The following EPRS1 variants were observed in gnomAD, a reference collection of about 807,000 sequenced individuals.
The protein encoded by EPRS1 is glutamyl-prolyl-tRNA synthetase 1, also known as bifunctional glutamate/proline--tRNA ligase.
In EPRS1, 107 loss-of-function variants were observed where a neutral mutation model predicts 188.3. That is an observed-to-expected ratio of 0.57 (90% CI 0.49 to 0.67). The LOEUF is 0.67. Among genes scored for constraint, EPRS1 ranks in the 30% least tolerant of loss-of-function variants. The pLI is 0.00. For synonymous variants in EPRS1, 596 were observed against 593.1 expected, an observed-to-expected ratio of 1.00 and a Z score of -0.07; for missense variants, 1,577 against 1,802.2, an observed-to-expected ratio of 0.88 and a Z score of 2.26.
At chr1:220,016,343 C>CAA (rs200969151) in intron 12 of EPRS1, among the ~76,000 whole-genome samples, 1 of 69,084 alleles carries the variant, frequency 1.4e-5, no homozygotes, top group Admixed American at 1.7e-4. Context: ...GATTCCGCTA[C>CAA]AAAAAGAAAA....
intron 19 of EPRS1, among the ~76,000 whole-genome samples, chr1:219,988,376 T>C (rs1435779840): frequency 6.6e-6 from 1 of 152,040 alleles, no homozygotes; most frequent in Non-Finnish European, 1.5e-5. Flanking sequence ...AAGTACTATG[T>C]CAGTGATGGG....
chr1:219,992,420 TTTG>T (rs1178838629), intron 18 of EPRS1, among the ~76,000 whole-genome samples: 1 of 152,250 alleles, frequency 6.6e-6, no homozygotes, highest in Non-Finnish European at 1.5e-5. Context: ...ATCATTTTAT[TTTG>T]TTGTTACTTG....
chr1:220,044,704 A>T (rs929306430), intron 1 of EPRS1, among the ~76,000 whole-genome samples: 1 of 144,548 alleles, frequency 6.9e-6, no homozygotes, highest in African/African-American at 2.6e-5. Flanking sequence ...AAAAAAAAAA[A>T]AAAAAAAAAC....
intron 6 of EPRS1, among the ~76,000 whole-genome samples, chr1:220,028,558 T>C (rs927028315): frequency 3.9e-5 from 6 of 152,200 alleles, no homozygotes; most frequent in African/African-American, 1.2e-4. Context: ...ATACATGTAG[T>C]ACAATTTTTA....
At chr1:220,021,204 C>T (rs1228059769) in intron 9 of EPRS1, among the ~76,000 whole-genome samples, 1 of 151,388 alleles carries the variant, frequency 6.6e-6, no homozygotes, top group Admixed American at 6.6e-5. Context: ...TTTTGTTTGT[C>T]TAGAGACAGG....
intron 16 of EPRS1, 133 bp from the exon 17 acceptor site, chr1:220,001,388 G>A (rs1039937531): frequency 1.7e-4 from 111 of 648,390 alleles, no homozygotes; most frequent in Non-Finnish European, 2.4e-4. Context: ...TCCTTTTTGA[G>A]ACAGTCTCAC....
chr1:220,003,221 T>G (rs1284172018), intron 16 of EPRS1, among the ~76,000 whole-genome samples: 1 of 152,224 alleles, frequency 6.6e-6, no homozygotes, highest in African/African-American at 2.4e-5. Context: ...CCCTAACAAC[T>G]AATGATGCTG....
intron 18 of EPRS1, among the ~76,000 whole-genome samples, chr1:219,994,640 C>CT (rs71169424): frequency 7.2e-4 from 79 of 109,488 alleles, no homozygotes; most frequent in Non-Finnish European, 1.2e-3. Context: ...GTAACTTCTT[C>CT]TTTTTTTTTT....
intron 13 of EPRS1, among the ~76,000 whole-genome samples, chr1:220,009,100 G>A (rs988029339): frequency 1.3e-5 from 2 of 152,160 alleles, no homozygotes; most frequent in Non-Finnish European, 2.9e-5. Flanking sequence ...CTGTATGGTA[G>A]GTGATATGGC....
chr1:219,985,666 A>G (rs1002437580), intron 20 of EPRS1, among the ~76,000 whole-genome samples: 6 of 152,114 alleles, frequency 3.9e-5, no homozygotes, highest in Non-Finnish European at 8.8e-5. Flanking sequence ...CAGCCTCCCA[A>G]AGTGCTGGCA....
Position 219,969,042 on chromosome 1 carries a change from A to C in EPRS1, c.4388+16T>G, listed in dbSNP as rs112417237. ...ATTGCAATTTTTCAAAAGTTTTGCC[A>C]GTTAATTAGGTTTACCTGGCAGTGG... On this transcript the variant is annotated intron_variant, in intron 31 of 31. Coordinates refer to ENST00000366923, the MANE Select transcript of EPRS1 (RefSeq NM_004446.3). 8.3e-5 allele frequency: 134 copies of C among 1,612,742 alleles called. No homozygotes were observed. In the South Asian group the frequency reaches 1.4e-3, roughly 17 times the overall value.
Position 220,006,159 on chromosome 1 carries a change from GCTTTGT to G in EPRS1, c.1891_1896del (p.Thr631_Lys632del). The G allele has an allele frequency of 6.3e-7, 1 of 1,595,898 alleles. No individual in the cohort carries two copies. Among genetic ancestry groups the G allele is most frequent in the Non-Finnish European group, 8.6e-7 (1 of 1,169,156 alleles). ...AAGTCCTCGTCTTTTCCTAGCACTG[GCTTTGT>G]GATCAAGTGCTCATAAGTGACACAG... On this transcript the variant is annotated inframe_deletion, in exon 15 of 32. Coordinates refer to ENST00000366923, the MANE Select transcript of EPRS1 (RefSeq NM_004446.3).
At position 220,006,127 on chromosome 1, in the gene EPRS1, C is replaced by T. The variant is rs1661463464; in HGVS notation, c.1929G>A (p.Gln643=). The T allele has an allele frequency of 6.3e-7, 1 of 1,578,732 alleles. No homozygotes were observed. Among genetic ancestry groups the T allele is most frequent in the East Asian group, 2.3e-5 (1 of 43,690 alleles). ...PVLGKDEDFK[Q]YVNKNSKHEE... ...TTACCTTACTGTTCTTGTTGACATA[C>T]TGCTTAAAGTCCTCGTCTTTTCCTA... is the stretch of plus-strand genomic sequence containing the variant. The change falls in exon 15 of 32, where the codon CAG becomes CAA. Residue 643 remains glutamine (Q), a synonymous_variant. Transcript: ENST00000366923.
intron 28 of EPRS1, among the ~76,000 whole-genome samples, chr1:219,975,984 T>A (rs987690287): frequency 2.4e-4 from 37 of 152,024 alleles, no homozygotes; most frequent in African/African-American, 8.9e-4. Context: ...CAGAGCTTCT[T>A]AGAGATATGG....
chr1:220,002,177 A>G (rs1661366258), intron 16 of EPRS1, among the ~76,000 whole-genome samples: 1 of 151,818 alleles, frequency 6.6e-6, no homozygotes, highest in African/African-American at 2.4e-5. Context: ...TAAAAAATAC[A>G]AAAATTTAGC....
At chr1:219,998,838 G>A (rs192136699) in intron 17 of EPRS1, among the ~76,000 whole-genome samples, 2 of 151,202 alleles carry the variant, frequency 1.3e-5, no homozygotes, top group East Asian at 3.9e-4. Flanking sequence ...ACTGCGCCTG[G>A]CCTGTTCTGC....
In EPRS1 at chr1:220,027,353, G is replaced by A. The variant is rs1478527279; in HGVS notation, c.624-2095C>T. ...TGAGGCAGGAGAATGGCGTGAACCC[G>A]GGAGGTGGAGCTTGCAGTGAGCCAA... is the stretch of plus-strand genomic sequence containing the variant. On this transcript the variant is annotated intron_variant, in intron 6 of 31. Transcript: ENST00000366923. Among the ~76,000 whole-genome samples, 9 of 152,020 alleles carry A rather than the reference G, an allele frequency of 5.9e-5. No homozygotes were observed. In the South Asian group the frequency reaches 8.3e-4, roughly 14 times the overall value.
At chr1:219,988,933 A>G (rs1451318652) in intron 18 of EPRS1, 110 bp from the exon 19 acceptor site, 1 of 647,324 alleles carries the variant, frequency 1.5e-6, no homozygotes, top group East Asian at 2.7e-5. Flanking sequence ...TAAGTTAATC[A>G]TGGGGAAACC....
At chr1:220,042,774 A>G (rs1174806417) in intron 1 of EPRS1, among the ~76,000 whole-genome samples, 1 of 151,548 alleles carries the variant, frequency 6.6e-6, no homozygotes. Context: ...ACAAAAAATT[A>G]GCTGGGCGTG....
Sources: gnomAD v4.1 joint callset for allele counts (sites outside exome capture counted in the v4.1 genomes callset) on GRCh38, gnomAD v4.1.1 for gene constraint, MANE v1.5 for transcripts, NCBI Gene and HGNC (gene_info 2026-07-23, HGNC 2026-07-21) for gene names.